SORCS2: variants seen among roughly 807,000 people sequenced by gnomAD.
SORCS2 encodes sortilin related VPS10 domain containing receptor 2.
Under a neutral mutation model 141.6 loss-of-function variants are expected in SORCS2, and 100 were observed. The ratio of observed to expected loss-of-function variants is 0.71; its 90% CI spans 0.60 to 0.83. The LOEUF is 0.83. Among genes scored for constraint, SORCS2 ranks in the 40% least tolerant of loss-of-function variants. The pLI is 0.00. For synonymous variants in SORCS2, 789 were observed against 676.9 expected (o/e 1.17, Z -2.57); for missense variants, 1,646 against 1,560.2 (o/e 1.05, Z -0.93).
chr4:7,476,677 C>T (rs1177809972), intron 2 of SORCS2, among the ~76,000 whole-genome samples: 20 of 152,152 alleles, frequency 1.3e-4, no homozygotes, highest in Non-Finnish European at 2.5e-4. Flanking sequence ...GTCAGCAGGG[C>T]GGCCATGCCT....
chr4:7,658,295 G>C (rs1181515618), intron 5 of SORCS2, among the ~76,000 whole-genome samples: 2 of 150,210 alleles, frequency 1.3e-5, no homozygotes, highest in South Asian at 2.1e-4. Context: ...GAATGAGTGA[G>C]TGGGTGAGTG....
At chr4:7,335,547 C>CG (rs1719929744) in intron 1 of SORCS2, among the ~76,000 whole-genome samples, 1 of 152,266 alleles carries the variant, frequency 6.6e-6, no homozygotes, top group East Asian at 1.9e-4. Flanking sequence ...CCTCATCTGT[C>CG]GGGGCACCCG....
rs539690046 is a variant in SORCS2 at position 7,637,679 on chromosome 4, G to T, written c.649-649G>T. Among the ~76,000 whole-genome samples the T allele has an allele frequency of 4.7e-5, 7 of 149,716 alleles. No homozygotes were observed. The East Asian group carries it at 6.0e-4, about 13-fold the overall frequency. The stretch of plus-strand genomic sequence containing the variant: ...GCACCCCCTCCCTGGTGTGTGGGGG[G>T]GCCCAGCCCAGGCACTCATGAATGA... On this transcript the variant is annotated intron_variant, in intron 3 of 26. Coordinates refer to ENST00000507866, the MANE Select transcript of SORCS2 (RefSeq NM_020777.3).
chr4:7,709,115 A>G (rs1260214562), intron 14 of SORCS2, among the ~76,000 whole-genome samples: 1 of 152,056 alleles, frequency 6.6e-6, no homozygotes, highest in Non-Finnish European at 1.5e-5. Context: ...GCCACCAGGC[A>G]CTCTGCCTGC....
At chr4:7,632,176 C>T (rs1454840509) in intron 3 of SORCS2, among the ~76,000 whole-genome samples, 4 of 152,156 alleles carry the variant, frequency 2.6e-5, no homozygotes, top group Non-Finnish European at 4.4e-5. Flanking sequence ...TGCTGGTCCC[C>T]GTAAACTGTG....
At chr4:7,476,775 C>G (rs116234829) in intron 2 of SORCS2, among the ~76,000 whole-genome samples, 1,829 of 152,304 alleles carry the variant, frequency 0.012, 16 homozygotes, top group Non-Finnish European at 0.018. Context: ...TCCACGCTCT[C>G]CCTCTGCTTC....
At chr4:7,583,576 C>T (rs915121698) in intron 3 of SORCS2, among the ~76,000 whole-genome samples, 1 of 152,150 alleles carries the variant, frequency 6.6e-6, no homozygotes, top group Admixed American at 6.5e-5. Context: ...GGCAGTTTCC[C>T]CCATACTGTT....
At chr4:7,411,664 G>T (rs78967755) in intron 2 of SORCS2, among the ~76,000 whole-genome samples, 1 of 152,034 alleles carries the variant, frequency 6.6e-6, no homozygotes, top group African/African-American at 2.4e-5. Context: ...TTTAGGCTCT[G>T]GGGTGGGGTG....
intron 1 of SORCS2, among the ~76,000 whole-genome samples, chr4:7,335,774 G>C (rs1031504447): frequency 3.9e-5 from 6 of 152,230 alleles, no homozygotes; most frequent in African/African-American, 1.4e-4. Context: ...CTCCCGGCTG[G>C]GGGGTGTGGC....
At chr4:7,239,377 A>G (rs867380285) in intron 1 of SORCS2, among the ~76,000 whole-genome samples, 1 of 152,246 alleles carries the variant, frequency 6.6e-6, no homozygotes, top group Admixed American at 6.5e-5. Flanking sequence ...GCTGGTCTCT[A>G]TACCTGGTTG....
At chr4:7,577,205 A>G (rs542117061) in intron 3 of SORCS2, among the ~76,000 whole-genome samples, 3 of 152,308 alleles carry the variant, frequency 2.0e-5, no homozygotes, top group African/African-American at 7.2e-5. Flanking sequence ...GGGAGGGGAG[A>G]GAGGATGAAA....
intron 26 of SORCS2, 113 bp downstream of exon 26, chr4:7,737,285 G>T: frequency 6.9e-7 from 1 of 1,452,756 alleles, no homozygotes; most frequent in Non-Finnish European, 9.2e-7. Flanking sequence ...CCAGCAAAAC[G>T]CTGGCCCAGC....
intron 16 of SORCS2, among the ~76,000 whole-genome samples, 171 bp downstream of exon 16, chr4:7,714,544 C>G (rs1479939980): frequency 3.9e-5 from 6 of 152,226 alleles, no homozygotes; most frequent in African/African-American, 7.2e-5. Flanking sequence ...ACCAAGTCAC[C>G]AAGACCAGCC....
At chr4:7,375,728 C>T (rs1722595716) in intron 1 of SORCS2, among the ~76,000 whole-genome samples, 2 of 152,246 alleles carry the variant, frequency 1.3e-5, no homozygotes, top group Admixed American at 6.5e-5. Context: ...CAATACACAT[C>T]CACCCCAAAG....
chr4:7,276,593 A>T (rs4689674), intron 1 of SORCS2, among the ~76,000 whole-genome samples: 1 of 151,956 alleles, frequency 6.6e-6, no homozygotes, highest in African/African-American at 2.4e-5. Context: ...CGGGAAACGC[A>T]CTGGAAACTC....
chr4:7,311,718 C>T (rs1718195612), intron 1 of SORCS2, among the ~76,000 whole-genome samples: 1 of 152,082 alleles, frequency 6.6e-6, no homozygotes, highest in Non-Finnish European at 1.5e-5. Flanking sequence ...TATTAGAATC[C>T]TTTGTCATTT....
intron 1 of SORCS2, among the ~76,000 whole-genome samples, chr4:7,291,568 A>ACAG (rs983830834): frequency 6.6e-6 from 1 of 152,120 alleles, no homozygotes; most frequent in Non-Finnish European, 1.5e-5. Flanking sequence ...CGTTTCTTCT[A>ACAG]CAGCAGCAGA....
chr4:7,720,841 C>T (rs575066625), intron 18 of SORCS2, among the ~76,000 whole-genome samples: 3 of 152,178 alleles, frequency 2.0e-5, no homozygotes, highest in Non-Finnish European at 4.4e-5. Flanking sequence ...CATGAAGTAC[C>T]GGTGAGGATG....
chr4:7,241,571 T>C (rs1278650276), intron 1 of SORCS2, among the ~76,000 whole-genome samples: 1 of 152,120 alleles, frequency 6.6e-6, no homozygotes, highest in African/African-American at 2.4e-5. Context: ...CGTCAGATGA[T>C]GCCCCTCCCT....
Sources: allele counts gnomAD v4.1 joint callset (sites outside exome capture counted in the v4.1 genomes callset), GRCh38; gene constraint gnomAD v4.1.1; transcripts MANE v1.5; gene names NCBI Gene and HGNC (gene_info 2026-07-23, HGNC 2026-07-21).